CELF2: variants seen among roughly 807,000 people sequenced by gnomAD.
CELF2 encodes the protein CUGBP Elav-like family member 2.
A neutral mutation model predicts 62.6 loss-of-function variants in CELF2; 8 were observed. The observed-to-expected ratio is 0.13, with a 90% CI of 0.07 to 0.23. The LOEUF is 0.23. Among genes scored for constraint, CELF2 ranks in the 10% least tolerant of loss-of-function variants. The pLI is 1.00. For synonymous variants in CELF2, 258 were observed against 250.0 expected (o/e 1.03, Z -0.30); for missense variants, 333 against 671.0 (o/e 0.50, Z 5.56).
chr10:10,917,884 T>C (rs2064501274), intron 1 of CELF2: 1 of 152,214 alleles, frequency 6.6e-6, no homozygotes, highest in Admixed American at 6.5e-5. Context: ...TTTAAATGGA[T>C]TTATTATAAT....
chr10:11,183,684 C>T (rs1490014527), intron 2 of CELF2, among the ~76,000 whole-genome samples: 1 of 152,130 alleles, frequency 6.6e-6, no homozygotes, highest in Non-Finnish European at 1.5e-5. Flanking sequence ...TTTAATTTGC[C>T]TGATGGCTAA....
At chr10:11,249,231 A>G (rs773574936) in intron 4 of CELF2, 30 bp downstream of exon 4, 2 of 1,565,310 alleles carry the variant, frequency 1.3e-6, no homozygotes, top group South Asian at 2.2e-5. Context: ...CTTGCTTAAT[A>G]ATAATATCTG....
the CELF2 span, among the ~76,000 whole-genome samples, chr10:10,675,421 G>T: frequency 6.6e-6 from 1 of 151,840 alleles, no homozygotes; most frequent in Non-Finnish European, 1.5e-5. Context: ...CTTTATCTTT[G>T]ATTTTCTTTT....
At chr10:10,933,684 A>C (rs1238273530) in intron 2 of CELF2, among the ~76,000 whole-genome samples, 5 of 152,158 alleles carry the variant, frequency 3.3e-5, no homozygotes, top group Admixed American at 3.3e-4. Context: ...CATATGAGTA[A>C]GGTGATATGG....
intron 1 of CELF2, among the ~76,000 whole-genome samples, chr10:11,151,594 T>C (rs1363045455): frequency 6.6e-6 from 1 of 152,170 alleles, no homozygotes; most frequent in Non-Finnish European, 1.5e-5. Flanking sequence ...TGTGTGGCCA[T>C]GAGCCTTGCT....
chr10:11,181,565 T>C (rs2134037952), intron 2 of CELF2, among the ~76,000 whole-genome samples: 1 of 152,366 alleles, frequency 6.6e-6, no homozygotes, highest in Admixed American at 6.5e-5. Flanking sequence ...ATCCAGTGCA[T>C]ATGCCATTGC....
chr10:11,209,533 A>G (rs895679813), intron 2 of CELF2, among the ~76,000 whole-genome samples: 5 of 149,428 alleles, frequency 3.3e-5, no homozygotes, highest in African/African-American at 1.2e-4. Flanking sequence ...TGCTAGGGGT[A>G]TAAATCACCT....
At chr10:10,913,822 G>A (rs918359948) in intron 1 of CELF2, among the ~76,000 whole-genome samples, 1 of 145,142 alleles carries the variant, frequency 6.9e-6, no homozygotes, top group Admixed American at 6.9e-5. Context: ...AGAAAGAAAG[G>A]GAGGGAGGGA....
intron 1 of CELF2, among the ~76,000 whole-genome samples, chr10:11,126,736 A>T (rs903891997): frequency 6.6e-6 from 1 of 152,118 alleles, no homozygotes; most frequent in African/African-American, 2.4e-5. Context: ...GTTTCATAAT[A>T]TATACATTTC....
At chr10:11,105,785 A>G (rs916784118) in intron 1 of CELF2, among the ~76,000 whole-genome samples, 2 of 152,164 alleles carry the variant, frequency 1.3e-5, no homozygotes, top group Admixed American at 6.5e-5. Context: ...TTCCCGCTGC[A>G]TGTCCACAGA....
intron 2 of CELF2, among the ~76,000 whole-genome samples, chr10:10,980,842 A>G (rs1292385224): frequency 1.3e-5 from 2 of 151,812 alleles, no homozygotes; most frequent in Non-Finnish European, 2.9e-5. Context: ...GCTGCTCTTG[A>G]GCTCCTGGTC....
the CELF2 span, among the ~76,000 whole-genome samples, chr10:10,693,851 A>G: frequency 3.1e-4 from 47 of 149,422 alleles, no homozygotes; most frequent in African/African-American, 4.0e-4. Context: ...TGGGATCAGT[A>G]GTGATATCCC....
chr10:10,655,738 C>T, the CELF2 span, among the ~76,000 whole-genome samples: 2 of 131,844 alleles, frequency 1.5e-5, no homozygotes, highest in African/African-American at 2.7e-5. Flanking sequence ...GGATTAAAGA[C>T]TTAAACGTTA....
rs2093322604 is a variant in CELF2 at position 11,297,539 on chromosome 10, A to G, written c.976+8987A>G. On this transcript the variant is annotated intron_variant, in intron 9 of 12. Transcript: ENST00000633077. This position sits in a 1 kb window ranked among gnomAD's most constrained non-coding sequence, Gnocchi z 4.4. ...TGGGGCTGGAGGAGGAAAAGGCAGA[A>G]AGAGCTGACTGAAGTTTGAGTTGGG... is the stretch of plus-strand genomic sequence containing the variant. 1.3e-5 allele frequency among the ~76,000 whole-genome samples: 2 copies of G among 152,108 alleles called. No individual in the cohort carries two copies. Among genetic ancestry groups the G allele is most frequent in the African/African-American group, 2.4e-5 (1 of 41,424 alleles).
chr10:11,221,771 A>G (rs185569945), intron 3 of CELF2, among the ~76,000 whole-genome samples: 1 of 152,310 alleles, frequency 6.6e-6, no homozygotes, highest in Non-Finnish European at 1.5e-5. Context: ...TGCCTTACCC[A>G]TTTCTTTTTA....
chr10:11,248,424 CCCT>C (rs1490584840), intron 3 of CELF2, among the ~76,000 whole-genome samples: 1 of 152,140 alleles, frequency 6.6e-6, no homozygotes, highest in Non-Finnish European at 1.5e-5. Context: ...CTCCCTTCCA[CCCT>C]CCTCCTCTCC....
Position 10,928,284 on chromosome 10 carries a change from AATGACTAT to A in CELF2, c.89+8290_89+8297del, listed in dbSNP as rs2065734351. On this transcript the variant is annotated intron_variant, in intron 2 of 13. Coordinates refer to the CELF2 transcript ENST00000636488. This position sits in a 1 kb window ranked among gnomAD's most constrained non-coding sequence, Gnocchi z 4.8. ...ACTGGCAGTCAATAAATGTTTGTTG[AATGACTAT>A]ATGAGCCCCCATTTCAGAGATAAGA... Among the ~76,000 whole-genome samples, 1 of 152,174 alleles carries A rather than the reference AATGACTAT, an allele frequency of 6.6e-6. No individual in the cohort carries two copies. Among genetic ancestry groups the A allele is most frequent in the Non-Finnish European group, 1.5e-5 (1 of 68,040 alleles).
chr10:11,032,156 A>AAAAAAAAAAAAAAAAAAAAAAAAC (rs2060227472), intron 1 of CELF2, among the ~76,000 whole-genome samples: 1 of 150,002 alleles, frequency 6.7e-6, no homozygotes, highest in Non-Finnish European at 1.5e-5. Flanking sequence ...CAAAAAAAAA[A>AAAAAAAAAAAAAAAAAAAAAAAAC]AAAAAAAAAA....
the CELF2 span, among the ~76,000 whole-genome samples, chr10:10,778,053 C>A: frequency 6.6e-6 from 1 of 152,164 alleles, no homozygotes; most frequent in African/African-American, 2.4e-5. Context: ...CTGGTGCAAT[C>A]AGGTTCGGGA....
Sources: allele counts gnomAD v4.1 joint callset (sites outside exome capture counted in the v4.1 genomes callset), GRCh38; gene constraint gnomAD v4.1.1; non-coding constraint Gnocchi (gnomAD v3.1); transcripts MANE v1.5; gene names NCBI Gene and HGNC (gene_info 2026-07-23, HGNC 2026-07-21).